Variants in SHANK2 observed in about 807,000 individuals in gnomAD.
SHANK2 encodes SH3 and multiple ankyrin repeat domains 2.
A neutral mutation model predicts 133.7 loss-of-function variants in SHANK2; 43 were observed. That is an observed-to-expected ratio of 0.32 (90% CI 0.25 to 0.41). The LOEUF is 0.41. SHANK2 is among the 10% of genes least tolerant of loss of function. The pLI, the probability that SHANK2 is intolerant of heterozygous loss-of-function variation, is 1.00. For missense variants in SHANK2, 1,994 were observed against 2,235.8 expected (o/e 0.89, Z 2.18); for synonymous variants, 1,017 against 952.8 (o/e 1.07, Z -1.24).
In SHANK2 at chr11:70,473,582, A is replaced by T; in HGVS notation, c.4980-143T>A. 15 of 690,522 alleles carry T rather than the reference A, an allele frequency of 2.2e-5. No individual in the cohort carries two copies. Among genetic ancestry groups the T allele is most frequent in the Non-Finnish European group, 3.5e-5 (14 of 398,070 alleles). The allele number at this position is 690,522 out of a possible 1,614,324, so 42.8% of individuals were successfully genotyped here. ...CAGATCCACTGGCAGTGAACGAATG[A>T]TTTGCCATGCCAGGGTGGGGGAGGG... On this transcript the variant is annotated intron_variant, in intron 25 of 25. Transcript: ENST00000601538. This position sits in a 1 kb window ranked among gnomAD's most constrained non-coding sequence, Gnocchi z 5.9.
Position 71,185,942 on chromosome 11 carries a change from T to G in SHANK2, c.-12-38604A>C, listed in dbSNP as rs546829527. On this transcript the variant is annotated intron_variant, in intron 2 of 25. Transcript: ENST00000601538. ...CATTAACAGTCTTGCCTGTCTCCCA[T>G]GGCGCATTCCCAACAATGGAAAATA... 1.1e-4 allele frequency among the ~76,000 whole-genome samples: 17 copies of G among 152,290 alleles called. No individual in the cohort carries two copies. The South Asian group carries it at 3.5e-3, about 32-fold the overall frequency.
rs2058796192 is a variant in SHANK2, at chr11:70,485,905, T to C, written c.4388A>G (p.Lys1463Arg). Residue 1463 changes from lysine (K) to arginine (R), a missense_variant, in exon 25 of 26, where the codon AAG (lysine) becomes AGG (arginine). Lys to Arg is a conservative substitution (Grantham distance 26). Coordinates refer to ENST00000601538, the MANE Select transcript of SHANK2 (RefSeq NM_012309.5). This position sits in a 1 kb window ranked among gnomAD's most constrained non-coding sequence, Gnocchi z 5.8. ...SSQPTNSADSKKPASLSNCLP... is the reference protein window; with the variant it reads ...SSQPTNSADSRKPASLSNCLP... ...ACAGTTTGAAAGACTGGCTGGCTTC[T>C]TGCTGTCTGCAGAGTTGGTTGGTTG... 1.2e-6 allele frequency: 2 copies of C among 1,614,020 alleles called. No homozygotes were observed. Among genetic ancestry groups the C allele is most frequent in the South Asian group, 1.1e-5 (1 of 91,076 alleles).
intron 11 of SHANK2, among the ~76,000 whole-genome samples, chr11:70,890,786 T>C (rs1394970830): frequency 2.2e-5 from 2 of 91,102 alleles, no homozygotes; most frequent in Non-Finnish European, 4.2e-5. Flanking sequence ...GCAGCAAGAG[T>C]GAAACTGTCT....
chr11:71,184,396 T>C (rs1030300547), intron 2 of SHANK2, among the ~76,000 whole-genome samples: 1 of 152,136 alleles, frequency 6.6e-6, no homozygotes, highest in African/African-American at 2.4e-5. Flanking sequence ...CTCGCGTCCA[T>C]CACTTGAAAC....
chr11:71,237,831 T>G (rs888961361), intron 1 of SHANK2, among the ~76,000 whole-genome samples: 5 of 152,116 alleles, frequency 3.3e-5, no homozygotes, highest in Non-Finnish European at 7.4e-5. Context: ...AGATTTCTGA[T>G]GAACAAAGGT....
chr11:70,539,757 G>T (rs531481166), intron 17 of SHANK2, among the ~76,000 whole-genome samples: 1 of 152,200 alleles, frequency 6.6e-6, no homozygotes, highest in Admixed American at 6.5e-5. Flanking sequence ...GGTTTCCAGG[G>T]AGTGCGCTTC....
chr11:71,087,697 C>T (rs1263183140), intron 8 of SHANK2, among the ~76,000 whole-genome samples: 13 of 152,136 alleles, frequency 8.5e-5, no homozygotes, highest in Admixed American at 7.2e-4. Context: ...GGCGCAATAT[C>T]GGCTCACTAT....
intron 8 of SHANK2, among the ~76,000 whole-genome samples, chr11:71,083,048 G>T (rs1456981968): frequency 4.0e-5 from 6 of 151,396 alleles, no homozygotes; most frequent in Admixed American, 1.3e-4. Context: ...AGGCTCAGGG[G>T]GTCCTCCCAC....
chr11:70,587,178 C>T (rs1017566785), intron 17 of SHANK2, among the ~76,000 whole-genome samples: 20 of 152,284 alleles, frequency 1.3e-4, no homozygotes, highest in East Asian at 7.7e-4. Flanking sequence ...AGTTCCACGG[C>T]GAGCTGGGCC....
At chr11:70,572,863 C>A (rs575601467) in intron 17 of SHANK2, among the ~76,000 whole-genome samples, 1 of 152,286 alleles carries the variant, frequency 6.6e-6, no homozygotes, top group Non-Finnish European at 1.5e-5. Context: ...CTTACACATC[C>A]ATCTATCACG....
At chr11:70,554,642 TTAAC>T (rs1554979084) in intron 17 of SHANK2, among the ~76,000 whole-genome samples, 16 of 152,064 alleles carry the variant, frequency 1.1e-4, no homozygotes, top group Non-Finnish European at 1.5e-5. Flanking sequence ...CACATTATAA[TTAAC>T]TAAATCCACA....
At chr11:71,135,486 T>TG (rs1173249770) in intron 3 of SHANK2, among the ~76,000 whole-genome samples, 2 of 148,886 alleles carry the variant, frequency 1.3e-5, no homozygotes, top group African/African-American at 4.9e-5. Context: ...GGATATGTTT[T>TG]TTTTTTTTTT....
rs377072804 is a variant in SHANK2 at position 71,094,601 on chromosome 11, C to G, written c.680G>C (p.Arg227Pro). The G allele has an allele frequency of 1.9e-6, 3 of 1,551,634 alleles. No individual in the cohort carries two copies. The South Asian group carries it at 3.6e-5, about 18-fold the overall frequency. The change falls in exon 7 of 26, where the codon CGT (arginine) becomes CCT (proline). Residue 227 changes from arginine (R) to proline (P), a missense_variant. This residue lies in a region of SHANK2 where 653 missense variants were observed against 563.4 expected (regional missense o/e 1.16). Coordinates refer to ENST00000601538, the MANE Select transcript of SHANK2 (RefSeq NM_012309.5). ...TAGGGCGGTCATCCCATCTTTGGCA[C>G]GGAAGTCCAGGTGAGCTCCACCATT... ...LKNGGAHLDF[R>P]AKDGMTALHK...
intron 14 of SHANK2, among the ~76,000 whole-genome samples, chr11:70,783,547 C>T (rs574876645): frequency 2.6e-5 from 4 of 152,230 alleles, no homozygotes; most frequent in African/African-American, 7.2e-5. Context: ...ATATGGCTCA[C>T]GAGTGGGCAG....
At chr11:71,247,509 A>T (rs1475070193) in intron 1 of SHANK2, among the ~76,000 whole-genome samples, 19 of 151,684 alleles carry the variant, frequency 1.3e-4, no homozygotes, top group Admixed American at 9.2e-4. Context: ...TTTCAGGGAC[A>T]GACAAAAAAA....
intron 3 of SHANK2, among the ~76,000 whole-genome samples, chr11:71,146,408 C>T (rs1555106694): frequency 6.6e-6 from 1 of 152,242 alleles, no homozygotes; most frequent in African/African-American, 2.4e-5. Flanking sequence ...GAAGCCACAC[C>T]CCTTCCTCTG....
At chr11:70,592,075 A>T (rs2060331376) in intron 17 of SHANK2, among the ~76,000 whole-genome samples, 1 of 152,092 alleles carries the variant, frequency 6.6e-6, no homozygotes, top group Admixed American at 6.5e-5. Flanking sequence ...ATAAAAAATA[A>T]CAAGCAGAGG....
At chr11:70,748,964 A>G (rs1229572717) in intron 14 of SHANK2, among the ~76,000 whole-genome samples, 3 of 151,436 alleles carry the variant, frequency 2.0e-5, no homozygotes, top group Non-Finnish European at 4.4e-5. Context: ...AGAACACTAC[A>G]CAACAGAAAC....
rs74570962 is a variant in SHANK2, at chr11:70,841,619, C to T, written c.1175-20937G>A. Among the ~76,000 whole-genome samples, 1,329 of 152,322 alleles carry T rather than the reference C, an allele frequency of 8.7e-3. 11 individuals carry two copies. Among genetic ancestry groups the T allele is most frequent in the Admixed American group, 0.015 (226 of 15,312 alleles). On this transcript the variant is annotated intron_variant, in intron 11 of 25. Transcript: ENST00000601538. ...TGGTTCTTCAGGAATTCTGGCTTGA[C>T]CTGGGTGCCTGCGATCACTGTTGGA...
Sources: gnomAD v4.1 joint callset for allele counts (sites outside exome capture counted in the v4.1 genomes callset) on GRCh38, gnomAD v4.1.1 for gene constraint, gnomAD v4.1.1 regional missense constraint, Gnocchi (gnomAD v3.1) non-coding constraint, MANE v1.5 for transcripts, NCBI Gene and HGNC (gene_info 2026-07-23, HGNC 2026-07-21) for gene names.